RBM23: variants seen among roughly 807,000 people sequenced by gnomAD.
RBM23 encodes RNA binding motif protein 23.
In RBM23, 53 loss-of-function variants were observed where a neutral mutation model predicts 56.2. The observed-to-expected ratio is 0.94, with a 90% confidence interval of 0.76 to 1.19. The LOEUF (loss-of-function observed/expected upper bound fraction) is 1.19, where lower values mean the gene tolerates loss of function less well. RBM23 is among the 50% of genes most tolerant of loss of function. The pLI is 0.00. For synonymous variants in RBM23, 197 were observed against 198.5 expected (o/e 0.99, Z 0.06); for missense variants, 642 against 590.3 (o/e 1.09, Z -0.91).
chr14:22,914,250 G>A (rs567330166), intron 1 of RBM23, among the ~76,000 whole-genome samples: 3 of 151,536 alleles, frequency 2.0e-5, no homozygotes, highest in Non-Finnish European at 2.9e-5. Context: ...GTTTGAACCC[G>A]GGAGACAGAG....
rs114976645 is a variant in RBM23, at chr14:22,904,103, C to A, written c.930+158G>T. 4.2e-5 allele frequency: 65 copies of A among 1,537,744 alleles called. No homozygotes were observed. In the African/African-American group the frequency reaches 7.5e-4, roughly 18 times the overall value. The stretch of plus-strand genomic sequence containing the variant: ...CAAAGCCAAGATCTCAAGCAATGCA[C>A]TCATCTCAAGGGGTAGAAGGCTAGT... On this transcript the variant is annotated intron_variant, in intron 10 of 13. Transcript: ENST00000359890.
At chr14:22,903,128 T>G in intron 10 of RBM23, 1 of 985,324 alleles carries the variant, frequency 1.0e-6, no homozygotes, top group Non-Finnish European at 1.2e-6. Flanking sequence ...ATTCCAGGCT[T>G]AAGAGGGAAC....
rs777223537 is a variant in RBM23, at chr14:22,909,665, G to A, written c.67-70C>T. The A allele has an allele frequency of 7.7e-4, 872 of 1,135,406 alleles. 2 individuals carry two copies. Among genetic ancestry groups the A allele is most frequent in the Non-Finnish European group, 1.0e-3 (752 of 750,720 alleles). The allele number at this position is 1,135,406 out of a possible 1,614,324, so 70.3% of individuals were successfully genotyped here. A position where few individuals can be genotyped will look rare whatever the true frequency, so the allele number is the denominator to read the frequency against. On this transcript the variant is annotated intron_variant, in intron 2 of 13. Coordinates refer to ENST00000359890, the MANE Select transcript of RBM23 (RefSeq NM_001077351.2). ...ACACACAGATTCCAATGGGCAAAGG[G>A]AACAAAGGTGGACAAGGAATAAATC...
At chr14:22,918,064 T>C (rs2043870945) in intron 1 of RBM23, among the ~76,000 whole-genome samples, 1 of 152,058 alleles carries the variant, frequency 6.6e-6, no homozygotes, top group Non-Finnish European at 1.5e-5. Flanking sequence ...AAAAGCTACT[T>C]GAAGGACCAC....
In RBM23 at chr14:22,913,413, CAA is replaced by C. The variant is rs57539414; in HGVS notation, c.-10-2012_-10-2011del. Among the ~76,000 whole-genome samples, 116 of 115,780 alleles carry C rather than the reference CAA, an allele frequency of 1.0e-3. 1 individual carries two copies. The highest frequency in any genetic ancestry group is 1.6e-3 in the Admixed American group (18 of 11,074). The allele number at this position is 115,780 out of a possible 152,430, so 76.0% of individuals were successfully genotyped here. A position where few individuals can be genotyped will look rare whatever the true frequency, so the allele number is the denominator to read the frequency against. On this transcript the variant is annotated intron_variant, in intron 1 of 13. Coordinates refer to ENST00000359890, the MANE Select transcript of RBM23 (RefSeq NM_001077351.2). ...TGGGCGACAGAGCAAGGCTCCGTCT[CAA>C]AAAAAAAAAAAAAAAATTAAAAAAA... is the stretch of plus-strand genomic sequence containing the variant.
chr14:22,918,918 G>C (rs952223925), intron 1 of RBM23, 81 bp downstream of exon 1: 1 of 152,100 alleles, frequency 6.6e-6, no homozygotes, highest in African/African-American at 2.4e-5. Context: ...TTTTCTGCCC[G>C]TGACGTCAGG....
At chr14:22,918,186 G>T (rs1243882820) in intron 1 of RBM23, among the ~76,000 whole-genome samples, 2 of 152,146 alleles carry the variant, frequency 1.3e-5, no homozygotes, top group African/African-American at 2.4e-5. Context: ...CCTGAGGTCA[G>T]GAGTTCGAGG....
chr14:22,913,131 A>G (rs899295215), intron 1 of RBM23, among the ~76,000 whole-genome samples: 5 of 146,430 alleles, frequency 3.4e-5, no homozygotes, highest in East Asian at 2.1e-4. Context: ...AGGGCACAAG[A>G]AGGCCGGGCG....
Position 22,911,433 on chromosome 14 carries a change from C to G in RBM23, c.-10-30G>C, listed in dbSNP as rs2042505885. 4 of 1,556,874 alleles carry G rather than the reference C, an allele frequency of 2.6e-6. No homozygotes were observed. In the South Asian group the frequency reaches 4.5e-5, roughly 18 times the overall value. On this transcript the variant is annotated intron_variant, in intron 1 of 13. Coordinates refer to ENST00000359890, the MANE Select transcript of RBM23 (RefSeq NM_001077351.2). ...GGAGAGGATATTAATATGTAAGAAT[C>G]TGTTTTATATTTTTCCTCCCTTTCC...
At position 22,902,026 on chromosome 14, in the gene RBM23, C is replaced by T. The variant is rs909526002; in HGVS notation, c.1200G>A (p.Leu400=). Residue 400 remains leucine (L), a synonymous_variant, in exon 12 of 14, where the codon CTG becomes CTA. Transcript: ENST00000359890. The part of the protein sequence containing the change: ...AAAAQAAALQ[L]NGAVPLGALN... ...GGGCCCCCAAGGGAACTGCTCCATTCAGTTGCAAGGCAGCAGCCTGGGCGG... is the reference window on the plus strand; with the variant it reads ...GGGCCCCCAAGGGAACTGCTCCATTTAGTTGCAAGGCAGCAGCCTGGGCGG... 17 of 1,611,322 alleles carry T rather than the reference C, an allele frequency of 1.1e-5. No homozygotes were observed. In the African/African-American group the frequency reaches 2.1e-4, roughly 20 times the overall value.
chr14:22,904,823 C>A (rs1266812730), intron 9 of RBM23, 52 bp downstream of exon 9: 2 of 1,608,704 alleles, frequency 1.2e-6, no homozygotes, highest in African/African-American at 1.3e-5. Context: ...CAAACACTCA[C>A]CCTCCCCACT....
At chr14:22,906,028 G>T in intron 5 of RBM23, 167 bp downstream of exon 5, 2 of 790,458 alleles carry the variant, frequency 2.5e-6, no homozygotes, top group Non-Finnish European at 4.0e-6. Context: ...GGGATTACAG[G>T]CATGAGCCAC....
chr14:22,910,279 T>C (rs1228241108), intron 2 of RBM23, among the ~76,000 whole-genome samples: 2 of 139,340 alleles, frequency 1.4e-5, no homozygotes, highest in African/African-American at 5.4e-5. Flanking sequence ...CTGACCAACA[T>C]GGAGAAACCA....
chr14:22,901,448 A>C lies in RBM23; in HGVS notation c.*282T>G. The C allele has an allele frequency of 1.8e-6, 1 of 568,462 alleles. No homozygotes were observed. Among genetic ancestry groups the C allele is most frequent in the Non-Finnish European group, 3.1e-6 (1 of 318,682 alleles). 35.2% of individuals were successfully genotyped at this position (568,462 alleles called of 1,614,324 possible). A position where few individuals can be genotyped will look rare whatever the true frequency, so the allele number is the denominator to read the frequency against. ...TCACTAAGGTGTTGGAAAGGGCAAG[A>C]AGGTAATCTCAGAGACGATACACAT... On this transcript the variant is annotated 3_prime_UTR_variant, in exon 14 of 14. Coordinates refer to ENST00000359890, the MANE Select transcript of RBM23 (RefSeq NM_001077351.2).
At position 22,902,060 on chromosome 14, in the gene RBM23, GCAGCA is replaced by G. The variant is rs766240167; in HGVS notation, c.1161_1165del (p.Ala388CysfsTer86). 63 of 1,611,626 alleles carry G rather than the reference GCAGCA, an allele frequency of 3.9e-5. No homozygotes were observed. In the East Asian group the frequency reaches 7.6e-4, roughly 19 times the overall value. The stretch of plus-strand genomic sequence containing the variant: ...GGCAGCAGCCTGGGCGGCGGCGGCA[GCAGCA>G]GCAGCAGCAGTGCTTGGCAGTTGGA... On this transcript the variant is annotated frameshift_variant, in exon 12 of 14. Transcript: ENST00000359890. LOFTEE classifies it high-confidence loss of function.
chr14:22,913,112 G>A (rs929172989), intron 1 of RBM23, among the ~76,000 whole-genome samples: 1 of 146,284 alleles, frequency 6.8e-6, no homozygotes, highest in East Asian at 2.1e-4. Flanking sequence ...GGGAGAAAAA[G>A]ATTTTAAAAG....
chr14:22,904,264 G>C lies in RBM23; in HGVS notation c.927C>G (p.Ile309Met), dbSNP rs780431304. The change falls in exon 10 of 14, where the codon ATC (isoleucine) becomes ATG (methionine). Residue 309 changes from isoleucine to methionine, a missense_variant. Transcript: ENST00000359890. The stretch of plus-strand genomic sequence containing the variant: ...AATTAAAAGACTAGAGACTCACCGT[G>C]ATGAAACCATAACCTTTAGAGCGGC... The part of the protein sequence containing the change: ...DTGRSKGYGF[I>M]TFSDSECARR... 1.2e-6 allele frequency: 2 copies of C among 1,613,960 alleles called. No homozygotes were observed. Among genetic ancestry groups the C allele is most frequent in the South Asian group, 2.2e-5 (2 of 91,074 alleles).
chr14:22,901,696 G>C lies in RBM23; in HGVS notation c.*34C>G. On this transcript the variant is annotated 3_prime_UTR_variant, in exon 14 of 14. Coordinates refer to ENST00000359890, the MANE Select transcript of RBM23 (RefSeq NM_001077351.2). ...AGTAGATGTGAAGTGGCAGGATCCAGAGGCACAAGGAGGCAGTATACTGTG... is the reference window on the plus strand; with the variant it reads ...AGTAGATGTGAAGTGGCAGGATCCACAGGCACAAGGAGGCAGTATACTGTG... The C allele has an allele frequency of 6.2e-7, 1 of 1,609,194 alleles. No homozygotes were observed. The highest frequency in any genetic ancestry group is 1.7e-4 in the Middle Eastern group (1 of 6,046).
intron 4 of RBM23, among the ~76,000 whole-genome samples, chr14:22,907,159 G>C (rs559316867): frequency 1.3e-5 from 2 of 151,062 alleles, no homozygotes; most frequent in Non-Finnish European, 2.9e-5. Flanking sequence ...GGGCAACAGA[G>C]TGAGACTCTG....
Sources: gnomAD v4.1 joint callset for allele counts (sites outside exome capture counted in the v4.1 genomes callset) on GRCh38, gnomAD v4.1.1 for gene constraint, MANE v1.5 for transcripts, NCBI Gene and HGNC (gene_info 2026-07-23, HGNC 2026-07-21) for gene names.